The following RGS21 variants were observed in gnomAD, a reference collection of about 807,000 sequenced individuals.
The protein encoded by RGS21 is regulator of G protein signaling 21.
In RGS21, 19 loss-of-function variants were observed where a neutral mutation model predicts 18.7. That is an observed-to-expected ratio of 1.01 (90% CI 0.71 to 1.49). RGS21 has a LOEUF of 1.49. Ranked by LOEUF, RGS21 falls within the 40% of genes most tolerant of loss-of-function variation. The pLI, the probability that RGS21 is intolerant of heterozygous loss-of-function variation, is 0.00. For missense variants in RGS21, 194 were observed against 176.8 expected (o/e 1.10, Z -0.55); for synonymous variants, 56 against 57.8 (o/e 0.97, Z 0.14).
chr1:192,363,514 A>G (rs553752928), intron 4 of RGS21, among the ~76,000 whole-genome samples: 19 of 152,312 alleles, frequency 1.2e-4, no homozygotes, highest in African/African-American at 4.1e-4. Flanking sequence ...GAAACAGACT[A>G]TAGTAGATGT....
intron 1 of RGS21, among the ~76,000 whole-genome samples, chr1:192,323,768 C>A (rs749639393): frequency 2.0e-5 from 3 of 151,794 alleles, no homozygotes; most frequent in Non-Finnish European, 2.9e-5. Context: ...GATAAATTTC[C>A]TGAAGATTAC....
At position 192,366,938 on chromosome 1, in the gene RGS21, C is replaced by A. The variant is rs973745437; in HGVS notation, c.*814C>A. ...TCAATTGTGGGGAAGTATCTATTCA[C>A]TCCTTCAGCACTGATACTTGTTTAT... On this transcript the variant is annotated 3_prime_UTR_variant, in exon 5 of 5. Transcript: ENST00000417209. 1 of 152,038 alleles carries A rather than the reference C, an allele frequency of 6.6e-6. No individual in the cohort carries two copies. The highest frequency in any genetic ancestry group is 2.4e-5 in the African/African-American group (1 of 41,432). The allele number at this position is 152,038 out of a possible 1,614,324, so 9.4% of individuals were successfully genotyped here. A position where few individuals can be genotyped will look rare whatever the true frequency, so the allele number is the denominator to read the frequency against.
chr1:192,344,004 T>G (rs1276592464), intron 2 of RGS21, among the ~76,000 whole-genome samples: 1 of 152,200 alleles, frequency 6.6e-6, no homozygotes, highest in South Asian at 2.1e-4. Context: ...ATTTATATAG[T>G]TACATTTTTT....
chr1:192,347,359 G>A lies in RGS21; in HGVS notation c.58G>A (p.Glu20Lys). 6.2e-7 allele frequency: 1 copy of A among 1,605,856 alleles called. No homozygotes were observed. Among genetic ancestry groups the A allele is most frequent in the Non-Finnish European group, 8.5e-7 (1 of 1,173,398 alleles). The part of the protein sequence containing the change: ...SPTAETMTWS[E>K]NMDTLLANQA... ...AACTGCGGAAACAATGACATGGTCT[G>A]AAAATATGGACACGCTTTTAGCCAA... The change falls in exon 3 of 5, where the codon GAA becomes AAA. Residue 20 changes from glutamate to lysine, a missense_variant. By Grantham distance (56) the Glu-to-Lys change is moderately conservative. Coordinates refer to ENST00000417209, the MANE Select transcript of RGS21 (RefSeq NM_001039152.3).
In RGS21 at chr1:192,355,537, GA is replaced by G. The variant is rs201313830; in HGVS notation, c.255+3334del. Reference sequence around the variant, plus strand: ...GATGGCTTCAGGAGAAAATATAGCAGAAAAAAAAAATCATGACCCAAGTATT... The same window carrying G: ...GATGGCTTCAGGAGAAAATATAGCAGAAAAAAAAATCATGACCCAAGTATT... On this transcript the variant is annotated intron_variant, in intron 4 of 4. Transcript: ENST00000417209. 8.2e-5 allele frequency among the ~76,000 whole-genome samples: 12 copies of G among 146,756 alleles called. No homozygotes were observed. The South Asian group carries it at 8.6e-4, about 10-fold the overall frequency.
At chr1:192,362,046 G>A (rs918850408) in intron 4 of RGS21, among the ~76,000 whole-genome samples, 21 of 152,128 alleles carry the variant, frequency 1.4e-4, no homozygotes, top group African/African-American at 4.8e-4. Context: ...AAAAGTTTTA[G>A]GTAAAATATT....
chr1:192,348,179 C>T (rs1213131644), intron 3 of RGS21, among the ~76,000 whole-genome samples: 2 of 151,742 alleles, frequency 1.3e-5, no homozygotes, highest in East Asian at 1.9e-4. Context: ...GAGCATGCCA[C>T]GACACCAAGC....
intron 4 of RGS21, among the ~76,000 whole-genome samples, chr1:192,364,171 C>T (rs1659223553): frequency 6.6e-6 from 1 of 152,034 alleles, no homozygotes; most frequent in Non-Finnish European, 1.5e-5. Context: ...GTTTCCACTG[C>T]CCTGCACCAT....
intron 4 of RGS21, among the ~76,000 whole-genome samples, chr1:192,365,231 T>A (rs928055628): frequency 2.6e-5 from 4 of 152,144 alleles, no homozygotes; most frequent in Non-Finnish European, 4.4e-5. Flanking sequence ...AAATATATCC[T>A]GGAATATGTG....
At chr1:192,324,612 T>C (rs971930908) in intron 1 of RGS21, among the ~76,000 whole-genome samples, 1 of 129,662 alleles carries the variant, frequency 7.7e-6, no homozygotes, top group Admixed American at 7.1e-5. Context: ...TGTGTGTGCG[T>C]GCACACACAC....
chr1:192,337,152 T>A (rs1016361937), intron 1 of RGS21, among the ~76,000 whole-genome samples: 2 of 152,086 alleles, frequency 1.3e-5, no homozygotes, highest in African/African-American at 2.4e-5. Flanking sequence ...CTTAAATTTG[T>A]GTTACTTCCA....
chr1:192,362,292 AC>A (rs1557983035), intron 4 of RGS21, among the ~76,000 whole-genome samples: 1 of 152,202 alleles, frequency 6.6e-6, no homozygotes, highest in Non-Finnish European at 1.5e-5. Flanking sequence ...AGGGAAAGAT[AC>A]TGTAAAAAGA....
chr1:192,355,535 C>T (rs1022485139), intron 4 of RGS21, among the ~76,000 whole-genome samples: 3 of 149,030 alleles, frequency 2.0e-5, no homozygotes, highest in African/African-American at 4.9e-5. Context: ...GAAAATATAG[C>T]AGAAAAAAAA....
intron 4 of RGS21, among the ~76,000 whole-genome samples, chr1:192,364,004 T>C (rs78240505): frequency 6.6e-6 from 1 of 152,136 alleles, no homozygotes; most frequent in African/African-American, 2.4e-5. Context: ...AAATAATAAA[T>C]ATATGGATCA....
At chr1:192,318,053 C>T (rs1320582489) in intron 1 of RGS21, among the ~76,000 whole-genome samples, 2 of 151,938 alleles carry the variant, frequency 1.3e-5, no homozygotes, top group Non-Finnish European at 2.9e-5. Flanking sequence ...AACTCTTTCT[C>T]CTGCTTTCTA....
Position 192,339,408 on chromosome 1 carries a change from T to C in RGS21, c.-60-3569T>C, listed in dbSNP as rs562121386. Among the ~76,000 whole-genome samples the C allele has an allele frequency of 1.5e-3, 232 of 152,238 alleles. 1 individual carries two copies. Among genetic ancestry groups the C allele is most frequent in the African/African-American group, 5.4e-3 (223 of 41,564 alleles). ...CTCATGTAGATTTAAATGCTCTATA[T>C]TGTCTTTGAATATGCCTATGAAATT... On this transcript the variant is annotated intron_variant, in intron 1 of 4. Transcript: ENST00000417209.
At chr1:192,359,255 A>C (rs796224800) in intron 4 of RGS21, among the ~76,000 whole-genome samples, 1 of 152,128 alleles carries the variant, frequency 6.6e-6, no homozygotes, top group South Asian at 2.1e-4. Flanking sequence ...TCAGTAAATA[A>C]AATACATGTG....
At chr1:192,335,861 TGA>T (rs1323031997) in intron 1 of RGS21, among the ~76,000 whole-genome samples, 1 of 152,128 alleles carries the variant, frequency 6.6e-6, no homozygotes, top group Admixed American at 6.5e-5. Flanking sequence ...TCAGTGTGTC[TGA>T]GAGGGAAAAC....
rs561723507 is a variant in RGS21, at chr1:192,356,317, T to C, written c.255+4104T>C. 4.6e-5 allele frequency among the ~76,000 whole-genome samples: 7 copies of C among 151,900 alleles called. No individual in the cohort carries two copies. In the East Asian group the frequency reaches 1.4e-3, roughly 29 times the overall value. On this transcript the variant is annotated intron_variant, in intron 4 of 4. Coordinates refer to ENST00000417209, the MANE Select transcript of RGS21 (RefSeq NM_001039152.3). ...ATCCCTCCATGGAAGAGCAGCTCAG[T>C]TTAGGCAGGAAAACAGATAATAAAC...
Sources: allele counts gnomAD v4.1 joint callset (sites outside exome capture counted in the v4.1 genomes callset), GRCh38; gene constraint gnomAD v4.1.1; transcripts MANE v1.5; gene names NCBI Gene and HGNC (gene_info 2026-07-23, HGNC 2026-07-21).